The following CASD1 variants were observed in gnomAD, a reference collection of about 807,000 sequenced individuals.
CASD1 encodes N-acetylneuraminate (7)9-O-acetyltransferase.
Under a neutral mutation model 100.0 loss-of-function variants are expected in CASD1, and 41 were observed. That is an observed-to-expected ratio of 0.41 (90% CI 0.32 to 0.53). The LOEUF is 0.53. CASD1 is among the 20% of genes least tolerant of loss of function. CASD1 has a pLI of 0.25. For missense variants in CASD1, 774 were observed against 948.7 expected, an observed-to-expected ratio of 0.82 and a Z score of 2.42; for synonymous variants, 321 against 315.6, an observed-to-expected ratio of 1.02 and a Z score of -0.18.
chr7:94,546,307 A>C (rs1272760021), intron 12 of CASD1, among the ~76,000 whole-genome samples: 1 of 152,002 alleles, frequency 6.6e-6, no homozygotes, highest in Non-Finnish European at 1.5e-5. Context: ...TAATGTTCAA[A>C]GTGAGGCCAC....
chr7:94,526,122 A>G (rs1430795425), intron 3 of CASD1, among the ~76,000 whole-genome samples: 1 of 152,208 alleles, frequency 6.6e-6, no homozygotes, highest in East Asian at 1.9e-4. Context: ...CTCAGGGCCT[A>G]TACTAGTACA....
intron 13 of CASD1, 117 bp from the exon 14 acceptor site, chr7:94,549,416 A>C: frequency 2.1e-6 from 1 of 483,252 alleles, no homozygotes; most frequent in Non-Finnish European, 3.6e-6. Flanking sequence ...CAGAATTTTA[A>C]CATTGTGAAT....
chr7:94,538,503 C>T (rs1428015517), intron 9 of CASD1, among the ~76,000 whole-genome samples: 2 of 152,004 alleles, frequency 1.3e-5, no homozygotes, highest in African/African-American at 4.8e-5. Flanking sequence ...ATTAGTTATT[C>T]ATCTTCATTG....
the CASD1 span, chr7:94,617,847 A>C: frequency 1.3e-5 from 2 of 152,198 alleles, no homozygotes; most frequent in African/African-American, 2.4e-5. Context: ...GCTATCCTTA[A>C]ATTTAATTCT....
chr7:94,599,100 CT>C, the CASD1 span: 1 of 637,126 alleles, frequency 1.6e-6, no homozygotes, highest in Non-Finnish European at 2.7e-6. Context: ...ATTCAATAAA[CT>C]ATTTCAGAAA....
chr7:94,513,298 A>AAAG, intron 1 of CASD1, among the ~76,000 whole-genome samples: 1 of 151,964 alleles, frequency 6.6e-6, no homozygotes, highest in African/African-American at 2.4e-5. Flanking sequence ...AAAAAAAAAA[A>AAAG]AAAAAAAAAT....
the CASD1 span, chr7:94,628,546 T>C: frequency 1.8e-6 from 1 of 569,728 alleles, no homozygotes; most frequent in Non-Finnish European, 3.1e-6. Flanking sequence ...TTTTGGTTGT[T>C]TAATTTGTTT....
At chr7:94,582,278 C>T in the CASD1 span, among the ~76,000 whole-genome samples, 5 of 152,014 alleles carry the variant, frequency 3.3e-5, no homozygotes, top group East Asian at 1.9e-4. Flanking sequence ...CCACCATGGC[C>T]GGCTAATTTT....
At chr7:94,608,574 CT>C in the CASD1 span, among the ~76,000 whole-genome samples, 9 of 152,036 alleles carry the variant, frequency 5.9e-5, no homozygotes, top group Admixed American at 5.9e-4. Context: ...CAAACTTATT[CT>C]AAAGTTTATA....
chr7:94,542,142 G>T (rs1456473403), intron 10 of CASD1, among the ~76,000 whole-genome samples: 1 of 152,184 alleles, frequency 6.6e-6, no homozygotes, highest in Non-Finnish European at 1.5e-5. Flanking sequence ...GTCTTTAAGG[G>T]AGTTGAAAGC....
At chr7:94,569,455 G>A in the CASD1 span, among the ~76,000 whole-genome samples, 4 of 152,234 alleles carry the variant, frequency 2.6e-5, no homozygotes, top group Admixed American at 2.0e-4. Flanking sequence ...AGAAATCTGA[G>A]TATATTTTGT....
chr7:94,618,582 C>T, the CASD1 span: 2 of 587,380 alleles, frequency 3.4e-6, no homozygotes, highest in Admixed American at 6.4e-5. Context: ...TATAAAAAAC[C>T]ACTAACACAA....
the CASD1 span, chr7:94,603,473 CAGGTTATCCTTTAAGA>C: frequency 5.0e-6 from 8 of 1,609,788 alleles, no homozygotes; most frequent in Non-Finnish European, 6.8e-6. Flanking sequence ...GTGAAACTCT[CAGGTTATCCTTTAAGA>C]AAATTGAAAA....
chr7:94,549,120 T>TA (rs903773033), intron 13 of CASD1, among the ~76,000 whole-genome samples: 3 of 152,008 alleles, frequency 2.0e-5, no homozygotes, highest in Admixed American at 6.6e-5. Context: ...ACTGATACCA[T>TA]ACTGGCTGAA....
chr7:94,624,041 A>G, the CASD1 span: 1 of 394,252 alleles, frequency 2.5e-6, no homozygotes, highest in Non-Finnish European at 4.5e-6. Context: ...AAGTCAATTC[A>G]GAAACAGCCA....
At chr7:94,559,315 T>C (rs1200199565), downstream of CASD1, among the ~76,000 whole-genome samples, 1 of 151,470 alleles carries the variant, frequency 6.6e-6, no homozygotes, top group Non-Finnish European at 1.5e-5. Context: ...TATGTGTGTG[T>C]GTGTGTGTGT....
the CASD1 span, among the ~76,000 whole-genome samples, chr7:94,633,653 C>T: frequency 6.6e-6 from 1 of 152,064 alleles, no homozygotes; most frequent in Non-Finnish European, 1.5e-5. Flanking sequence ...GCTAGCTAAA[C>T]AATGTCTTGT....
chr7:94,563,997 G>A, the CASD1 span, among the ~76,000 whole-genome samples: 1 of 152,138 alleles, frequency 6.6e-6, no homozygotes, highest in Admixed American at 6.6e-5. Context: ...CAGTTTATGA[G>A]CATGATGTCC....
the CASD1 span, chr7:94,623,629 A>G: frequency 2.0e-6 from 1 of 502,500 alleles, no homozygotes; most frequent in Non-Finnish European, 3.5e-6. Context: ...AGTTAAAATC[A>G]GAAAGACTCT....
Sources: gnomAD v4.1 joint callset for allele counts (sites outside exome capture counted in the v4.1 genomes callset) on GRCh38, gnomAD v4.1.1 for gene constraint, MANE v1.5 for transcripts, NCBI Gene and HGNC (gene_info 2026-07-23, HGNC 2026-07-21) for gene names.